The following SPAST variants were observed in gnomAD, a reference collection of about 807,000 sequenced individuals.
SPAST encodes the protein spastin.
Under a neutral mutation model 76.6 loss-of-function variants are expected in SPAST, and 30 were observed. The observed-to-expected ratio is 0.39, with a 90% CI of 0.29 to 0.53. The LOEUF is 0.53. Ranked by LOEUF, SPAST falls within the 20% of genes least tolerant of loss-of-function variation. The probability of loss-of-function intolerance (pLI) is 0.68; values close to 1 mark genes in which losing one functional copy is unlikely to be tolerated. For missense variants in SPAST, 717 were observed against 770.5 expected (o/e 0.93, Z 0.82); for synonymous variants, 305 against 281.0 (o/e 1.09, Z -0.86).
chr2:32,075,859 C>CTTTTT (rs56708982), intron 1 of SPAST, among the ~76,000 whole-genome samples: 2 of 82,388 alleles, frequency 2.4e-5, no homozygotes, highest in East Asian at 3.9e-4. Context: ...AGACTCCTGG[C>CTTTTT]TTTTTTTTTT....
At chr2:32,150,066 T>C (rs1250193074) in intron 16 of SPAST, among the ~76,000 whole-genome samples, 2 of 151,122 alleles carry the variant, frequency 1.3e-5, no homozygotes, top group South Asian at 2.1e-4. Context: ...TAGTTTTCTT[T>C]CTTTCTTTTT....
chr2:32,121,338 A>C (rs1679011489), intron 7 of SPAST, among the ~76,000 whole-genome samples: 2 of 151,418 alleles, frequency 1.3e-5, no homozygotes, highest in African/African-American at 4.9e-5. Flanking sequence ...TTTTTAGTAG[A>C]GACGGGGTTT....
chr2:32,137,136 C>G lies in SPAST; in HGVS notation c.1441C>G (p.Leu481Val). 1 of 1,613,900 alleles carries G rather than the reference C, an allele frequency of 6.2e-7. No homozygotes were observed. The highest frequency in any genetic ancestry group is 8.5e-7 in the Non-Finnish European group (1 of 1,179,866). Reference sequence around the variant, plus strand: ...ACAGTCTGCTGGAGATGACAGAGTACTTGTAATGGGTGCAACTAATAGGCC... The same window carrying G: ...ACAGTCTGCTGGAGATGACAGAGTAGTTGTAATGGGTGCAACTAATAGGCC... ...GVQSAGDDRV[L>V]VMGATNRPQE... Residue 481 changes from leucine (L) to valine (V), a missense_variant, in exon 12 of 17, where the codon CTT (leucine) becomes GTT (valine). Leu to Val is a conservative substitution (Grantham distance 32, BLOSUM62 1). Coordinates refer to ENST00000315285, the MANE Select transcript of SPAST (RefSeq NM_014946.4).
rs2148771831 is a variant in SPAST at position 32,157,376 on chromosome 2, A to G, written c.*2880A>G. The G allele has an allele frequency of 6.5e-6, 1 of 152,786 alleles. No homozygotes were observed. The highest frequency in any genetic ancestry group is 1.9e-4 in the East Asian group (1 of 5,190). 9.5% of individuals were successfully genotyped at this position (152,786 alleles called of 1,614,324 possible). ...AAGAATTAGAGGAAAAGCAGATACT[A>G]GAATTCTAATTTAATTACATATACA... On this transcript the variant is annotated 3_prime_UTR_variant, in exon 17 of 17. Coordinates refer to ENST00000315285, the MANE Select transcript of SPAST (RefSeq NM_014946.4).
chr2:32,093,235 C>T (rs1233475106), intron 3 of SPAST, among the ~76,000 whole-genome samples: 2 of 140,724 alleles, frequency 1.4e-5, no homozygotes, highest in South Asian at 2.3e-4. Flanking sequence ...GGCGTGAACC[C>T]GGGAGGCGGA....
At position 32,115,715 on chromosome 2, in the gene SPAST, C is replaced by T; in HGVS notation, c.884C>T (p.Thr295Ile). 2 of 1,608,430 alleles carry T rather than the reference C, an allele frequency of 1.2e-6. No homozygotes were observed. Among genetic ancestry groups the T allele is most frequent in the Non-Finnish European group, 1.7e-6 (2 of 1,175,726 alleles). ...APTTHKGTPK[T>I]NRTNKPSTPT... ...GTATCCTTTAAGGGTACTCCGAAAACAAATAGGACAAATAAACCTTCTACC... is the reference window on the plus strand; with the variant it reads ...GTATCCTTTAAGGGTACTCCGAAAATAAATAGGACAAATAAACCTTCTACC... Residue 295 changes from threonine to isoleucine, a missense_variant, in exon 6 of 17, where the codon ACA (threonine) becomes ATA (isoleucine). Around this residue, in one of 3 missense-constraint regions of SPAST, gnomAD observed 543 missense variants for 445.2 expected, o/e 1.22. Coordinates refer to ENST00000315285, the MANE Select transcript of SPAST (RefSeq NM_014946.4).
In SPAST at chr2:32,079,514, A is replaced by AAT. The variant is rs58989905; in HGVS notation, c.416-7978_416-7977insAT. ...GAGCGAGACCCAGTCTAAAAAAAAA[A>AAT]GTATTTTTTCGTTTTTTTCCAACTC... On this transcript the variant is annotated intron_variant, in intron 1 of 16. Coordinates refer to ENST00000315285, the MANE Select transcript of SPAST (RefSeq NM_014946.4). Among the ~76,000 whole-genome samples, 653 of 150,982 alleles carry AAT rather than the reference A, an allele frequency of 4.3e-3. 4 individuals carry two copies. The highest frequency in any genetic ancestry group is 0.015 in the African/African-American group (624 of 41,136).
intron 4 of SPAST, among the ~76,000 whole-genome samples, chr2:32,111,375 GTATACTGTATAGCGTATAGAGTA>G (rs1166675033): frequency 8.8e-5 from 13 of 148,106 alleles, no homozygotes; most frequent in Non-Finnish European, 1.8e-4. Flanking sequence ...CGTATATATA[GTATACTGTATAGCGTATAGAGTA>G]TATATATAGT....
chr2:32,109,695 T>C (rs1299941643), intron 4 of SPAST, among the ~76,000 whole-genome samples: 5 of 149,456 alleles, frequency 3.3e-5, no homozygotes, highest in Non-Finnish European at 7.4e-5. Flanking sequence ...ATATATATTG[T>C]TTAGTTTTGA....
chr2:32,063,952 C>G lies in SPAST; in HGVS notation c.121C>G (p.Pro41Ala), dbSNP rs374457601. 6.2e-7 allele frequency: 1 copy of G among 1,610,942 alleles called. No individual in the cohort carries two copies. The highest frequency in any genetic ancestry group is 1.7e-5 in the Admixed American group (1 of 59,788). ...PAPPAAGPAPPPESPHKRNLY... is the reference protein window; with the variant it reads ...PAPPAAGPAPAPESPHKRNLY... ...CCCTCCCGCCGCCGGGCCGGCCCCTCCGCCCGAGTCGCCGCATAAGCGGAA... is the reference window on the plus strand; with the variant it reads ...CCCTCCCGCCGCCGGGCCGGCCCCTGCGCCCGAGTCGCCGCATAAGCGGAA... Residue 41 changes from proline to alanine, a missense_variant, in exon 1 of 17, where the codon CCG (proline) becomes GCG (alanine). Pro to Ala is a conservative substitution (Grantham distance 27, BLOSUM62 -1). Coordinates refer to ENST00000315285, the MANE Select transcript of SPAST (RefSeq NM_014946.4).
chr2:32,129,904 C>T (rs3752917), intron 9 of SPAST: 69,357 of 152,396 alleles, frequency 0.46, 15,992 homozygotes, highest in Admixed American at 0.48. Flanking sequence ...GAAGCTGAGG[C>T]GAGAGGATCT....
intron 1 of SPAST, among the ~76,000 whole-genome samples, chr2:32,086,164 A>G (rs892498448): frequency 5.3e-5 from 8 of 152,136 alleles, no homozygotes; most frequent in African/African-American, 1.9e-4. Context: ...GTTTGATTAA[A>G]TGGGGACATG....
At chr2:32,101,956 A>G (rs1362677986) in intron 4 of SPAST, among the ~76,000 whole-genome samples, 2 of 152,072 alleles carry the variant, frequency 1.3e-5, no homozygotes, top group Non-Finnish European at 2.9e-5. Flanking sequence ...TTGGCAATGC[A>G]GGCTCTTTTT....
intron 1 of SPAST, among the ~76,000 whole-genome samples, chr2:32,066,766 G>A (rs1256642546): frequency 1.3e-5 from 2 of 151,990 alleles, no homozygotes; most frequent in Admixed American, 6.6e-5. Flanking sequence ...TTGAGCCCAG[G>A]AGTTTGAGAC....
chr2:32,074,993 A>T (rs191028129), intron 1 of SPAST, among the ~76,000 whole-genome samples: 1 of 152,296 alleles, frequency 6.6e-6, no homozygotes, highest in East Asian at 1.9e-4. Context: ...CTATTATTAT[A>T]AAATCAATAG....
chr2:32,151,632 G>T (rs556672899), intron 16 of SPAST, among the ~76,000 whole-genome samples: 1 of 151,976 alleles, frequency 6.6e-6, no homozygotes, highest in South Asian at 2.1e-4. Flanking sequence ...CAACTTGGTC[G>T]CACACAGTGG....
At chr2:32,064,285 AAG>A in intron 1 of SPAST, 39 bp downstream of exon 1, 1 of 1,353,108 alleles carries the variant, frequency 7.4e-7, no homozygotes, top group Non-Finnish European at 1.0e-6. Flanking sequence ...CGGCGCCGGG[AAG>A]AAGGCGGTGG....
intron 7 of SPAST, among the ~76,000 whole-genome samples, chr2:32,125,151 CTG>C (rs1004514286): frequency 5.3e-5 from 8 of 152,004 alleles, no homozygotes; most frequent in African/African-American, 1.7e-4. Flanking sequence ...TATGGGAACT[CTG>C]TACTTTCTGC....
rs961461272 is a variant in SPAST at position 32,154,290 on chromosome 2, GCAT to G, written c.1729-80_1729-78del. 8.3e-5 allele frequency: 94 copies of G among 1,135,766 alleles called. 1 individual carries two copies. In the Admixed American group the frequency reaches 1.3e-3, roughly 16 times the overall value. 70.4% of individuals were successfully genotyped at this position (1,135,766 alleles called of 1,614,324 possible). A position where few individuals can be genotyped will look rare whatever the true frequency, so the allele number is the denominator to read the frequency against. On this transcript the variant is annotated intron_variant, in intron 16 of 16. Coordinates refer to ENST00000315285, the MANE Select transcript of SPAST (RefSeq NM_014946.4). ...TTTTTTATAACATTAAGAAACAGCA[GCAT>G]CATTACTTTAATCCATCATTTCGTT...
Sources: gnomAD v4.1 joint callset for allele counts (sites outside exome capture counted in the v4.1 genomes callset) on GRCh38, gnomAD v4.1.1 for gene constraint, gnomAD v4.1.1 regional missense constraint, MANE v1.5 for transcripts, NCBI Gene and HGNC (gene_info 2026-07-23, HGNC 2026-07-21) for gene names.